The following DTHD1 variants were observed in gnomAD, a reference collection of about 807,000 sequenced individuals.
DTHD1 encodes the protein death domain containing 1.
A neutral mutation model predicts 74.8 loss-of-function variants in DTHD1; 59 were observed. The ratio of observed to expected loss-of-function variants is 0.79; its 90% CI spans 0.64 to 0.98. The LOEUF is 0.98. Ranked by LOEUF, DTHD1 falls within the 50% of genes least tolerant of loss-of-function variation. The pLI is 0.00. For missense variants in DTHD1, 1,051 were observed against 1,065.4 expected (o/e 0.99, Z 0.19); for synonymous variants, 365 against 371.1 (o/e 0.98, Z 0.19).
intron 5 of DTHD1, among the ~76,000 whole-genome samples, chr4:36,303,909 GC>G (rs1756908364): frequency 6.6e-6 from 1 of 152,174 alleles, no homozygotes; most frequent in South Asian, 2.1e-4. Context: ...ACCTATATTA[GC>G]AATTAAGTCC....
At chr4:36,301,919 A>G (rs1756797560) in intron 5 of DTHD1, among the ~76,000 whole-genome samples, 1 of 152,096 alleles carries the variant, frequency 6.6e-6, no homozygotes, top group African/African-American at 2.4e-5. Context: ...ATGGATGACT[A>G]AATTTCATCC....
intron 8 of DTHD1, among the ~76,000 whole-genome samples, chr4:36,325,890 T>C (rs1188261067): frequency 2.0e-5 from 3 of 152,202 alleles, no homozygotes; most frequent in African/African-American, 7.2e-5. Context: ...CCTTATCTGC[T>C]TTAGGCTGCC....
rs1756018795 is a variant in DTHD1, at chr4:36,290,604, A to G, written c.1119A>G (p.Arg373=). The G allele has an allele frequency of 4.5e-6, 7 of 1,550,990 alleles. No homozygotes were observed. The East Asian group carries it at 1.7e-4, about 38-fold the overall frequency. Residue 373 remains arginine (R), a synonymous_variant, in exon 3 of 10, where the codon AGA becomes AGG. Transcript: ENST00000639862. ...GIAIPFTARY[R]GNYRDIMVKV... Reference sequence around the variant, plus strand: ...CAATTCCATTTACTGCACGTTACAGAGGAAATTACAGAGATATCATGGTGA... The same window carrying G: ...CAATTCCATTTACTGCACGTTACAGGGGAAATTACAGAGATATCATGGTGA...
At chr4:36,339,811 G>A (rs1467362434) in intron 9 of DTHD1, among the ~76,000 whole-genome samples, 6 of 152,132 alleles carry the variant, frequency 3.9e-5, no homozygotes, top group East Asian at 1.9e-4. Context: ...TTGCCCTTAC[G>A]GATTGGTACA....
intron 2 of DTHD1, among the ~76,000 whole-genome samples, chr4:36,288,875 CT>C (rs1367829265): frequency 1.3e-5 from 2 of 152,166 alleles, no homozygotes; most frequent in Non-Finnish European, 2.9e-5. Context: ...TTATACAACG[CT>C]GGGTCACTGT....
At chr4:36,294,705 C>A in intron 4 of DTHD1, 90 bp from the exon 5 acceptor site, 2 of 1,264,820 alleles carry the variant, frequency 1.6e-6, no homozygotes, top group Non-Finnish European at 2.1e-6. Flanking sequence ...AACTATGCTG[C>A]ATAGAATTTT....
intron 5 of DTHD1, among the ~76,000 whole-genome samples, chr4:36,296,002 A>G (rs1285228447): frequency 6.6e-6 from 1 of 152,144 alleles, no homozygotes; most frequent in Non-Finnish European, 1.5e-5. Flanking sequence ...ACTAGAAAAT[A>G]TTTATGAAAA....
Position 36,343,869 on chromosome 4 carries a change from G to A in DTHD1, c.*45G>A, listed in dbSNP as rs1432463815. The stretch of plus-strand genomic sequence containing the variant: ...TTACCCCTAGGAAAAGGCACACGGT[G>A]GGTTTTTGTTTCTGTCAACATTTTC... On this transcript the variant is annotated 3_prime_UTR_variant, in exon 10 of 10. Coordinates refer to ENST00000639862, the MANE Select transcript of DTHD1 (RefSeq NM_001170700.3). The A allele has an allele frequency of 2.7e-6, 4 of 1,472,304 alleles. No individual in the cohort carries two copies. The highest frequency in any genetic ancestry group is 3.6e-6 in the Non-Finnish European group (4 of 1,111,058). The allele number at this position is 1,472,304 out of a possible 1,614,324, so 91.2% of individuals were successfully genotyped here.
chr4:36,329,030 G>A (rs888249606), intron 8 of DTHD1, among the ~76,000 whole-genome samples: 6 of 152,192 alleles, frequency 3.9e-5, no homozygotes, highest in African/African-American at 4.8e-5. Flanking sequence ...AGTAGAGCCC[G>A]CATGAGGACC....
chr4:36,314,069 G>GTTTTTTTT (rs375245524), intron 7 of DTHD1, among the ~76,000 whole-genome samples: 8 of 138,992 alleles, frequency 5.8e-5, no homozygotes, highest in Non-Finnish European at 3.1e-5. Context: ...CTAGGAATCT[G>GTTTTTTTT]TTTTTTTTTT....
intron 5 of DTHD1, 25 bp from the exon 6 acceptor site, chr4:36,306,166 T>C: frequency 6.5e-7 from 1 of 1,533,990 alleles, no homozygotes; most frequent in Non-Finnish European, 8.8e-7. Context: ...ATTGTACCAA[T>C]ATCTCTTCTG....
chr4:36,297,384 G>A (rs763013734), intron 5 of DTHD1, among the ~76,000 whole-genome samples: 7 of 152,042 alleles, frequency 4.6e-5, no homozygotes, highest in South Asian at 2.1e-4. Flanking sequence ...GGAGTACAGC[G>A]TAATCTTGCA....
At chr4:36,330,761 T>G (rs571017425) in intron 8 of DTHD1, among the ~76,000 whole-genome samples, 1 of 152,140 alleles carries the variant, frequency 6.6e-6, no homozygotes. Flanking sequence ...TACAAGTACA[T>G]CCTCACTCAA....
intron 2 of DTHD1, among the ~76,000 whole-genome samples, 152 bp from the exon 3 acceptor site, chr4:36,290,221 G>C (rs1364709377): frequency 1.3e-5 from 2 of 152,200 alleles, no homozygotes; most frequent in African/African-American, 4.8e-5. Flanking sequence ...GAGGCACAGA[G>C]AGGCTGAGGA....
At chr4:36,312,565 C>A (rs1757467563) in intron 7 of DTHD1, among the ~76,000 whole-genome samples, 1 of 144,768 alleles carries the variant, frequency 6.9e-6, no homozygotes, top group Non-Finnish European at 1.5e-5. Context: ...TCAGGGAAGA[C>A]CTTTCTGGAA....
chr4:36,339,247 A>T lies in DTHD1; in HGVS notation c.2398+78A>T, dbSNP rs932864490. 3.0e-6 allele frequency: 3 copies of T among 1,008,684 alleles called. No homozygotes were observed. The Admixed American group carries it at 9.0e-5, about 30-fold the overall frequency. 62.5% of individuals were successfully genotyped at this position (1,008,684 alleles called of 1,614,324 possible). On this transcript the variant is annotated intron_variant, in intron 9 of 9. Transcript: ENST00000639862. Reference sequence around the variant, plus strand: ...GTTGTATATATGTGAATCATTTCATAAAAAGGAATGGAGAAAGTGACTTTC... The same window carrying T: ...GTTGTATATATGTGAATCATTTCATTAAAAGGAATGGAGAAAGTGACTTTC...
In DTHD1 at chr4:36,286,617, G is replaced by T. The variant is rs149461560; in HGVS notation, c.887+2026G>T. On this transcript the variant is annotated intron_variant, in intron 2 of 9. Transcript: ENST00000639862. ...CAGTCATCGGTTACTTAATGATGGG[G>T]ACATGTTCACAGAAATGGATGGTTG... 1.8e-3 allele frequency among the ~76,000 whole-genome samples: 279 copies of T among 152,302 alleles called. 3 individuals carry two copies. The highest frequency in any genetic ancestry group is 5.4e-3 in the East Asian group (28 of 5,180).
intron 5 of DTHD1, among the ~76,000 whole-genome samples, chr4:36,296,681 C>A (rs1011945337): frequency 1.3e-5 from 2 of 151,756 alleles, no homozygotes; most frequent in African/African-American, 4.8e-5. Flanking sequence ...TGGGTAATTT[C>A]CTTAGGTTTA....
chr4:36,296,480 G>A, intron 5 of DTHD1, among the ~76,000 whole-genome samples: 1 of 151,924 alleles, frequency 6.6e-6, no homozygotes, highest in South Asian at 2.1e-4. Flanking sequence ...GAGAGATAAT[G>A]GAAAGAAAAC....
Sources: gnomAD v4.1 joint callset for allele counts (sites outside exome capture counted in the v4.1 genomes callset) on GRCh38, gnomAD v4.1.1 for gene constraint, MANE v1.5 for transcripts, NCBI Gene and HGNC (gene_info 2026-07-23, HGNC 2026-07-21) for gene names.